FRAS1: variants seen among roughly 807,000 people sequenced by gnomAD.
The protein encoded by FRAS1 is extracellular matrix organizing protein FRAS1.
Under a neutral mutation model 435.2 loss-of-function variants are expected in FRAS1, and 290 were observed. The ratio of observed to expected loss-of-function variants is 0.67; its 90% CI spans 0.61 to 0.73. The LOEUF is 0.73. FRAS1 is among the 30% of genes least tolerant of loss of function. The pLI, the probability that FRAS1 is intolerant of heterozygous loss-of-function variation, is 0.00. For synonymous variants in FRAS1, 1,800 were observed against 1,851.0 expected (o/e 0.97, Z 0.71); for missense variants, 4,860 against 5,001.5 (o/e 0.97, Z 0.85).
chr4:78,155,763 C>T (rs1385830872), intron 2 of FRAS1, among the ~76,000 whole-genome samples: 1 of 152,164 alleles, frequency 6.6e-6, no homozygotes, highest in Non-Finnish European at 1.5e-5. Flanking sequence ...TTACTTTCCC[C>T]AACTTCCCCC....
intron 2 of FRAS1, among the ~76,000 whole-genome samples, chr4:78,105,895 C>A (rs925148324): frequency 2.9e-5 from 4 of 136,410 alleles, no homozygotes; most frequent in Admixed American, 7.6e-5. Context: ...GTGCGCGCAC[C>A]GTGCGCGAGC....
In FRAS1 at chr4:78,090,002, C is replaced by T. The variant is rs191122582; in HGVS notation, c.108+23986C>T. On this transcript the variant is annotated intron_variant, in intron 2 of 73. Coordinates refer to ENST00000512123, the MANE Select transcript of FRAS1 (RefSeq NM_025074.7). ...TTTTCTGTCCCTATGTTACGAACTT[C>T]ACCTTTTCATAATTTATTTGAAATG... 8.5e-4 allele frequency among the ~76,000 whole-genome samples: 130 copies of T among 152,256 alleles called. 1 individual carries two copies. The highest frequency in any genetic ancestry group is 3.0e-3 in the African/African-American group (125 of 41,560).
At chr4:78,436,066 C>T (rs1734415003) in intron 38 of FRAS1, among the ~76,000 whole-genome samples, 1 of 152,114 alleles carries the variant, frequency 6.6e-6, no homozygotes, top group Non-Finnish European at 1.5e-5. Context: ...CTCATCAAAA[C>T]ACACCACAAA....
intron 2 of FRAS1, among the ~76,000 whole-genome samples, chr4:78,201,253 TA>T (rs1485719426): frequency 1.3e-5 from 2 of 152,256 alleles, no homozygotes; most frequent in African/African-American, 4.8e-5. Context: ...ATGAAATGCT[TA>T]TTTAGTAAAT....
intron 18 of FRAS1, among the ~76,000 whole-genome samples, chr4:78,321,137 T>C (rs76052147): frequency 0.01 from 1,525 of 152,280 alleles, 22 homozygotes; most frequent in African/African-American, 0.034. Context: ...GAAAATAATA[T>C]GACCATTTAT....
intron 52 of FRAS1, 55 bp downstream of exon 52, chr4:78,472,385 G>A (rs1719737328): frequency 6.9e-7 from 1 of 1,456,318 alleles, no homozygotes; most frequent in Non-Finnish European, 9.2e-7. Context: ...ATGTCACACT[G>A]CCTATCTCCC....
Position 78,259,134 on chromosome 4 carries a change from C to T in FRAS1, c.603+3759C>T, listed in dbSNP as rs546556354. 5.4e-5 allele frequency among the ~76,000 whole-genome samples: 4 copies of T among 74,722 alleles called. No individual in the cohort carries two copies. The South Asian group carries it at 2.1e-3, about 40-fold the overall frequency. The allele number at this position is 74,722 out of a possible 152,430, so 49.0% of individuals were successfully genotyped here. On this transcript the variant is annotated intron_variant, in intron 6 of 73. Coordinates refer to ENST00000512123, the MANE Select transcript of FRAS1 (RefSeq NM_025074.7). ...TTGGACATTTGTGTTGGTTCCAAGT[C>T]TTTGCTATTATGAATAATGCTGCAA...
chr4:78,317,444 G>A lies in FRAS1; in HGVS notation c.1896G>A (p.Leu632=). ...CAGCCTGCAGCCCCCCCAAGGCTCT[G>A]CGTCAAGGCCACTGTCTGCCCCGCT... The part of the protein sequence containing the change: ...HCTACSPPKA[L]RQGHCLPRCG... The change falls in exon 17 of 74, where the codon CTG becomes CTA. Residue 632 remains leucine, a synonymous_variant. Transcript: ENST00000512123. The A allele has an allele frequency of 6.2e-7, 1 of 1,613,884 alleles. No individual in the cohort carries two copies. Among genetic ancestry groups the A allele is most frequent in the Non-Finnish European group, 8.5e-7 (1 of 1,179,862 alleles).
chr4:78,452,145 A>G (rs369729266), intron 46 of FRAS1, 30 bp from the exon 47 acceptor site: 49 of 1,605,572 alleles, frequency 3.1e-5, no homozygotes, highest in Non-Finnish European at 4.0e-5. Context: ...AGAAGATCCC[A>G]TTTCAAATCA....
Position 78,286,474 on chromosome 4 carries a change from T to G in FRAS1, c.1469T>G (p.Met490Arg), listed in dbSNP as rs1412973097. 3 of 1,613,612 alleles carry G rather than the reference T, an allele frequency of 1.9e-6. No homozygotes were observed. Among genetic ancestry groups the G allele is most frequent in the Admixed American group, 1.7e-5 (1 of 60,002 alleles). The change falls in exon 14 of 74, where the codon ATG (methionine) becomes AGG (arginine). Residue 490 changes from methionine (M) to arginine (R), a missense_variant. Coordinates refer to ENST00000512123, the MANE Select transcript of FRAS1 (RefSeq NM_025074.7). ...TCATCCTGCCAGCCTCCCCTGCTGA[T>G]GCGGCACGGGCAGTGTGTGCCTACC... ...ECSSCQPPLL[M>R]RHGQCVPTCG...
chr4:78,286,412 G>C lies in FRAS1; in HGVS notation c.1407G>C (p.Gln469His). The C allele has an allele frequency of 6.2e-7, 1 of 1,613,450 alleles. No individual in the cohort carries two copies. The highest frequency in any genetic ancestry group is 8.5e-7 in the Non-Finnish European group (1 of 1,179,882). The stretch of plus-strand genomic sequence containing the variant: ...AACATTATCTGGAGTCAGCCTGCCA[G>C]CCCCAGTGCTCCACGTGTACCAGTG... ...YQAGSLCLACQPQCSTCTSGL... is the reference protein window; with the variant it reads ...YQAGSLCLACHPQCSTCTSGL... Residue 469 changes from glutamine to histidine, a missense_variant, in exon 14 of 74, where the codon CAG becomes CAC. Transcript: ENST00000512123.
chr4:78,205,109 G>A (rs1469382971), intron 2 of FRAS1, among the ~76,000 whole-genome samples: 1 of 152,124 alleles, frequency 6.6e-6, no homozygotes, highest in African/African-American at 2.4e-5. Context: ...AAATGATAAG[G>A]GGTGGAGCGC....
chr4:78,446,145 A>C, intron 42 of FRAS1: 2 of 1,014,432 alleles, frequency 2.0e-6, no homozygotes, highest in Non-Finnish European at 2.4e-6. Flanking sequence ...CATTTGAGCA[A>C]CTACACAGGC....
chr4:78,528,091 G>C (rs13108822), intron 70 of FRAS1, among the ~76,000 whole-genome samples: 58,008 of 151,880 alleles, frequency 0.38, 11,347 homozygotes, highest in South Asian at 0.54. Context: ...AGCTATTCTC[G>C]CTGTGAAATG....
chr4:78,113,131 T>G (rs28677913), intron 2 of FRAS1, among the ~76,000 whole-genome samples: 32,919 of 152,070 alleles, frequency 0.22, 3,904 homozygotes, highest in Admixed American at 0.29. Flanking sequence ...TCCAGCTTCA[T>G]CCATGTCCCT....
rs570153851 is a variant in FRAS1 at position 78,332,566 on chromosome 4, G to A, written c.2138-706G>A. ...CCAGCACTATCCTAAGAATTCACAT[G>A]CATCAGCCCAATTAGTGTCCACAAC... On this transcript the variant is annotated intron_variant, in intron 18 of 73. Coordinates refer to ENST00000512123, the MANE Select transcript of FRAS1 (RefSeq NM_025074.7). Among the ~76,000 whole-genome samples the A allele has an allele frequency of 2.6e-5, 4 of 152,232 alleles. No homozygotes were observed. In the East Asian group the frequency reaches 7.7e-4, roughly 29 times the overall value.
At chr4:78,478,698 C>T (rs1186652343) in intron 55 of FRAS1, among the ~76,000 whole-genome samples, 2 of 152,186 alleles carry the variant, frequency 1.3e-5, no homozygotes, top group African/African-American at 4.8e-5. Context: ...AAAGGCACAA[C>T]AAGACTGTAA....
intron 38 of FRAS1, among the ~76,000 whole-genome samples, chr4:78,433,204 T>A (rs1421794460): frequency 6.6e-6 from 1 of 152,198 alleles, no homozygotes; most frequent in Non-Finnish European, 1.5e-5. Flanking sequence ...TGGCCCTAAC[T>A]TTATAAGTGA....
chr4:78,215,478 G>A (rs932909589), intron 2 of FRAS1, among the ~76,000 whole-genome samples: 1 of 152,208 alleles, frequency 6.6e-6, no homozygotes, highest in Admixed American at 6.5e-5. Flanking sequence ...ATAGGCATGA[G>A]CCACCGCACC....
Sources: gnomAD v4.1 joint callset for allele counts (sites outside exome capture counted in the v4.1 genomes callset) on GRCh38, gnomAD v4.1.1 for gene constraint, MANE v1.5 for transcripts, NCBI Gene and HGNC (gene_info 2026-07-23, HGNC 2026-07-21) for gene names.